Variants in SYNE2 observed in about 807,000 individuals in gnomAD.
The protein encoded by SYNE2 is spectrin repeat containing nuclear envelope protein 2, also known as nesprin-2.
In SYNE2, 431 loss-of-function variants were observed where a neutral mutation model predicts 856.3. The observed-to-expected ratio is 0.50, with a 90% CI of 0.47 to 0.55. SYNE2 has a LOEUF of 0.55. Ranked by LOEUF, SYNE2 falls within the 20% of genes least tolerant of loss-of-function variation. SYNE2 has a pLI of 0.00. For synonymous variants in SYNE2, 2,923 were observed against 2,872.3 expected, an observed-to-expected ratio of 1.02 and a Z score of -0.56; for missense variants, 8,129 against 8,023.2, an observed-to-expected ratio of 1.01 and a Z score of -0.50.
In SYNE2 at chr14:63,997,314, A is replaced by G. The variant is rs774556631; in HGVS notation, c.3166A>G (p.Thr1056Ala). 6.2e-7 allele frequency: 1 copy of G among 1,613,430 alleles called. No individual in the cohort carries two copies. Among genetic ancestry groups the G allele is most frequent in the Admixed American group, 1.7e-5 (1 of 59,882 alleles). Residue 1056 changes from threonine to alanine, a missense_variant, in exon 25 of 116, where the codon ACA becomes GCA. Thr to Ala is a moderately conservative substitution (Grantham distance 58, BLOSUM62 0). Around this residue, in one of 3 missense-constraint regions of SYNE2, gnomAD observed 2,422 missense variants for 2,357.4 expected, o/e 1.03. Transcript: ENST00000555002. ...ATTCCTTTCTAGGGGGACCATCACC[A>G]CATCTGAGAATAGAGGAGGGGATCC... ...GTSKNEGTIT[T>A]SENRGGDPHS... is the part of the protein sequence containing the mutation.
chr14:64,094,741 A>C lies in SYNE2; in HGVS notation c.12108+1261A>C, dbSNP rs908172948. ...TATTAGATTTCCCCTTATGCTAAAA[A>C]ATCAAGGACCCCAGAGAGCTTTTGT... On this transcript the variant is annotated intron_variant, in intron 61 of 115. Transcript: ENST00000555002. 2.0e-5 allele frequency among the ~76,000 whole-genome samples: 3 copies of C among 152,338 alleles called. No individual in the cohort carries two copies. The East Asian group carries it at 5.8e-4, about 29-fold the overall frequency.
At chr14:63,815,020 ATATATATC>A (rs1888860454) in intron 1 of SYNE2, among the ~76,000 whole-genome samples, 1 of 122,736 alleles carries the variant, frequency 8.1e-6, no homozygotes. Context: ...ATATACATCC[ATATATATC>A]CATATATACA....
At chr14:64,126,105 A>G (rs1486090571) in intron 71 of SYNE2, among the ~76,000 whole-genome samples, 1 of 152,202 alleles carries the variant, frequency 6.6e-6, no homozygotes, top group African/African-American at 2.4e-5. Context: ...TGCAGTACTC[A>G]AATAACTACC....
intron 90 of SYNE2, among the ~76,000 whole-genome samples, chr14:64,166,594 A>G (rs2098380827): frequency 6.6e-6 from 1 of 152,202 alleles, no homozygotes; most frequent in Non-Finnish European, 1.5e-5. Context: ...TGTTTGTTGA[A>G]GGCCAGGTTA....
intron 1 of SYNE2, among the ~76,000 whole-genome samples, chr14:63,853,962 T>A (rs918468166): frequency 6.6e-6 from 1 of 152,156 alleles, no homozygotes; most frequent in Non-Finnish European, 1.5e-5. Flanking sequence ...CTGGGAACAT[T>A]AGCGCCTTAT....
At chr14:63,762,001 C>A (rs1886503044) in intron 1 of SYNE2, 7 of 443,402 alleles carry the variant, frequency 1.6e-5, no homozygotes, top group Middle Eastern at 7.4e-4. Flanking sequence ...TAGGTTTTGA[C>A]AAGTTTGCAT....
At chr14:63,917,022 G>C (rs142285907) in intron 2 of SYNE2, among the ~76,000 whole-genome samples, 316 of 152,248 alleles carry the variant, frequency 2.1e-3, no homozygotes, top group Non-Finnish European at 3.6e-3. Flanking sequence ...CCCAAGAGTT[G>C]AGCCTGCAGT....
At chr14:64,215,433 G>T in intron 107 of SYNE2, 79 bp downstream of exon 107, 2 of 1,405,506 alleles carry the variant, frequency 1.4e-6, no homozygotes, top group South Asian at 2.3e-5. Flanking sequence ...CTCCCATGTC[G>T]TGTCTACCTC....
chr14:64,224,050 A>T (rs1357222907), intron 113 of SYNE2, among the ~76,000 whole-genome samples: 1 of 152,090 alleles, frequency 6.6e-6, no homozygotes, highest in Non-Finnish European at 1.5e-5. Context: ...GAGCCCCTTC[A>T]GGAAAGATTT....
In SYNE2 at chr14:64,053,665, T is replaced by TGCGCACAG; in HGVS notation, c.9744+8_9744+9insGCGCACAG. On this transcript the variant is annotated intron_variant, in intron 48 of 115. Transcript: ENST00000555002. Reference sequence around the variant, plus strand: ...AGCATTGATTTGCGCACAGTAAGTTTTAAAAATTATGCAGTTAGTGGCTGG... The same window carrying TGCGCACAG: ...AGCATTGATTTGCGCACAGTAAGTTTGCGCACAGTAAAAATTATGCAGTTAGTGGCTGG... 6.2e-7 allele frequency: 1 copy of TGCGCACAG among 1,611,786 alleles called. No homozygotes were observed. Among genetic ancestry groups the TGCGCACAG allele is most frequent in the Non-Finnish European group, 8.5e-7 (1 of 1,178,656 alleles).
intron 2 of SYNE2, among the ~76,000 whole-genome samples, chr14:63,913,593 G>A (rs1162063121): frequency 4.0e-5 from 6 of 151,534 alleles, no homozygotes; most frequent in Non-Finnish European, 1.5e-5. Flanking sequence ...CTCCTGAGTG[G>A]CTGGGATTAC....
At chr14:64,208,672 G>A in intron 100 of SYNE2, 86 bp from the exon 101 acceptor site, 1 of 1,411,962 alleles carries the variant, frequency 7.1e-7, no homozygotes, top group Non-Finnish European at 1.0e-6. Context: ...GCTGGGAGAA[G>A]GGAGGGAGGA....
At chr14:63,881,009 G>A (rs184766534) in intron 1 of SYNE2, among the ~76,000 whole-genome samples, 2 of 151,826 alleles carry the variant, frequency 1.3e-5, no homozygotes, top group African/African-American at 4.8e-5. Context: ...CACCACATCC[G>A]GCTAATTTTT....
At chr14:64,224,317 C>G (rs947910983) in intron 113 of SYNE2, 144 bp from the exon 114 acceptor site, 5 of 805,012 alleles carry the variant, frequency 6.2e-6, no homozygotes, top group African/African-American at 3.3e-5. Flanking sequence ...TGCCACTGCA[C>G]TCCAGCCTGG....
At chr14:63,772,088 C>T (rs1170208911) in intron 1 of SYNE2, among the ~76,000 whole-genome samples, 2 of 152,166 alleles carry the variant, frequency 1.3e-5, no homozygotes, top group Non-Finnish European at 2.9e-5. Context: ...TGTGGTGGCT[C>T]ATGCCTGTAA....
At chr14:64,134,418 G>T (rs1208012229) in intron 78 of SYNE2, among the ~76,000 whole-genome samples, 1 of 152,108 alleles carries the variant, frequency 6.6e-6, no homozygotes, top group Non-Finnish European at 1.5e-5. Context: ...TGCTTGAGTC[G>T]TGGCTCCATC....
chr14:64,043,096 A>G (rs1374625351), intron 45 of SYNE2, among the ~76,000 whole-genome samples: 1 of 152,202 alleles, frequency 6.6e-6, no homozygotes, highest in Admixed American at 6.5e-5. Context: ...GACTCTTGTT[A>G]TGTTTCAGCA....
At chr14:63,895,059 T>C (rs1453123555) in intron 1 of SYNE2, among the ~76,000 whole-genome samples, 2 of 152,144 alleles carry the variant, frequency 1.3e-5, no homozygotes, top group Non-Finnish European at 2.9e-5. Context: ...CATTGAGAAA[T>C]ATTAAGATAA....
At chr14:63,941,859 G>A (rs777392905) in intron 4 of SYNE2, 26 bp from the exon 5 acceptor site, 7 of 1,612,194 alleles carry the variant, frequency 4.3e-6, no homozygotes, top group Admixed American at 3.3e-5. Flanking sequence ...TTTTTTCTGA[G>A]TAATATATTT....
Sources: allele counts gnomAD v4.1 joint callset (sites outside exome capture counted in the v4.1 genomes callset), GRCh38; gene constraint gnomAD v4.1.1; regional missense constraint gnomAD v4.1.1; transcripts MANE v1.5; gene names NCBI Gene and HGNC (gene_info 2026-07-23, HGNC 2026-07-21).